CNBD1: variants seen among roughly 807,000 people sequenced by gnomAD.
The protein encoded by CNBD1 is cyclic nucleotide-binding domain-containing protein 1.
CNBD1 carries 71 observed loss-of-function variants against 54.4 expected under a neutral mutation model. The ratio of observed to expected loss-of-function variants is 1.30; its 90% CI spans 1.08 to 1.59. The LOEUF is 1.59. Among genes scored for constraint, CNBD1 ranks in the 40% most tolerant of loss-of-function variants. CNBD1 has a pLI of 0.00. For missense variants in CNBD1, 659 were observed against 518.0 expected (o/e 1.27, Z -2.64); for synonymous variants, 182 against 170.7 (o/e 1.07, Z -0.51).
intron 8 of CNBD1, among the ~76,000 whole-genome samples, chr8:87,343,212 T>C (rs1810102648): frequency 6.6e-6 from 1 of 152,202 alleles, no homozygotes; most frequent in African/African-American, 2.4e-5. Context: ...ATTGCAGTTA[T>C]TCCGTTCTTT....
chr8:87,186,427 A>G (rs1347309336), intron 4 of CNBD1, among the ~76,000 whole-genome samples: 1 of 152,132 alleles, frequency 6.6e-6, no homozygotes, highest in Non-Finnish European at 1.5e-5. Context: ...TGAATTTACA[A>G]CCATCATTCC....
At chr8:86,953,823 T>G (rs1563835053) in intron 4 of CNBD1, among the ~76,000 whole-genome samples, 1 of 152,116 alleles carries the variant, frequency 6.6e-6, no homozygotes, top group Admixed American at 6.6e-5. Flanking sequence ...GCCAAGATCG[T>G]GCTACTGCAC....
chr8:87,155,305 G>A (rs959846639), intron 4 of CNBD1, among the ~76,000 whole-genome samples: 1 of 152,078 alleles, frequency 6.6e-6, no homozygotes, highest in African/African-American at 2.4e-5. Flanking sequence ...AGATAATTGG[G>A]AACCACTAAA....
At chr8:86,972,417 A>G (rs1271094942) in intron 4 of CNBD1, among the ~76,000 whole-genome samples, 2 of 152,198 alleles carry the variant, frequency 1.3e-5, no homozygotes, top group Non-Finnish European at 2.9e-5. Context: ...CTTGTCAAAA[A>G]GTCTTGAGTT....
intron 10 of CNBD1, among the ~76,000 whole-genome samples, chr8:87,357,971 G>A (rs892121133): frequency 1.3e-5 from 2 of 152,094 alleles, no homozygotes; most frequent in Non-Finnish European, 2.9e-5. Context: ...ATGAGAGCTG[G>A]TTGTTTAAAG....
chr8:87,269,775 A>T (rs1808327068), intron 6 of CNBD1, among the ~76,000 whole-genome samples: 1 of 152,054 alleles, frequency 6.6e-6, no homozygotes, highest in African/African-American at 2.4e-5. Flanking sequence ...AGCAATAAAA[A>T]ACCTACTAAC....
intron 2 of CNBD1, among the ~76,000 whole-genome samples, chr8:87,401,824 G>C (rs1807570365): frequency 6.6e-6 from 1 of 151,880 alleles, no homozygotes; most frequent in South Asian, 2.1e-4. Context: ...CCACATTAAG[G>C]AACACCAATA....
chr8:87,295,297 CA>C (rs1808858498), intron 8 of CNBD1, among the ~76,000 whole-genome samples: 1 of 151,806 alleles, frequency 6.6e-6, no homozygotes, highest in African/African-American at 2.4e-5. Flanking sequence ...TAGAATACTT[CA>C]AACATACTTT....
intron 4 of CNBD1, among the ~76,000 whole-genome samples, chr8:87,040,195 GA>G (rs1055077696): frequency 1.3e-5 from 2 of 152,190 alleles, no homozygotes; most frequent in African/African-American, 4.8e-5. Context: ...GGTTTTTTGA[GA>G]CAGATTGTTA....
intron 5 of CNBD1, among the ~76,000 whole-genome samples, chr8:87,221,296 G>A (rs1015905297): frequency 2.6e-5 from 4 of 151,988 alleles, no homozygotes; most frequent in African/African-American, 9.7e-5. Context: ...AATTTCCAGT[G>A]CTCTCCTAAG....
intron 3 of CNBD1, among the ~76,000 whole-genome samples, chr8:86,908,851 C>T (rs942872582): frequency 2.8e-5 from 4 of 145,278 alleles, no homozygotes; most frequent in Admixed American, 2.1e-4. Context: ...CTGCAACCTC[C>T]GCCTCCCAGG....
chr8:87,328,246 T>G (rs566934215), intron 8 of CNBD1, among the ~76,000 whole-genome samples: 2 of 152,066 alleles, frequency 1.3e-5, no homozygotes, highest in Non-Finnish European at 2.9e-5. Flanking sequence ...TTTCCTTCAT[T>G]GTTTATTTTT....
intron 6 of CNBD1, among the ~76,000 whole-genome samples, chr8:87,281,094 T>C (rs1161110823): frequency 6.6e-6 from 1 of 151,676 alleles, no homozygotes; most frequent in Non-Finnish European, 1.5e-5. Context: ...CCATGATTAT[T>C]ACCTGCAGTT....
At chr8:87,159,927 C>CTTT (rs34423333) in intron 4 of CNBD1, among the ~76,000 whole-genome samples, 4 of 146,832 alleles carry the variant, frequency 2.7e-5, no homozygotes, top group African/African-American at 1.0e-4. Context: ...AGATACATAG[C>CTTT]TTTTTTTTTT....
At chr8:87,347,606 G>T (rs536836303) in intron 8 of CNBD1, among the ~76,000 whole-genome samples, 11 of 152,144 alleles carry the variant, frequency 7.2e-5, no homozygotes, top group Non-Finnish European at 1.6e-4. Context: ...GAGTAGTCAC[G>T]GTGATCTCAT....
chr8:86,941,799 C>G (rs1216451219), intron 4 of CNBD1, among the ~76,000 whole-genome samples: 1 of 152,178 alleles, frequency 6.6e-6, no homozygotes, highest in Non-Finnish European at 1.5e-5. Context: ...TTGCTACATT[C>G]TTTTGTGGAC....
chr8:87,322,913 TC>T (rs1356074246), intron 8 of CNBD1, among the ~76,000 whole-genome samples: 2 of 114,544 alleles, frequency 1.7e-5, no homozygotes, highest in African/African-American at 3.4e-5. Context: ...GCCTAGGTTT[TC>T]TTCTAGGGTT....
At chr8:87,109,229 C>T (rs1459541445) in intron 4 of CNBD1, among the ~76,000 whole-genome samples, 1 of 151,910 alleles carries the variant, frequency 6.6e-6, no homozygotes, top group African/African-American at 2.4e-5. Context: ...CTAAGTGTAT[C>T]CAGCCGGTAG....
intron 10 of CNBD1, among the ~76,000 whole-genome samples, chr8:87,370,867 C>G (rs1009715287): frequency 2.7e-5 from 4 of 150,628 alleles, no homozygotes; most frequent in Non-Finnish European, 5.9e-5. Context: ...TTAGGTCTAA[C>G]GTTTAAGTCT....
Sources: allele counts gnomAD v4.1 joint callset (sites outside exome capture counted in the v4.1 genomes callset), GRCh38; gene constraint gnomAD v4.1.1; transcripts MANE v1.5; gene names NCBI Gene and HGNC (gene_info 2026-07-23, HGNC 2026-07-21).